AP4E1: variants seen among roughly 807,000 people sequenced by gnomAD.
AP4E1 encodes AP-4 complex subunit epsilon-1.
Under a neutral mutation model 128.2 loss-of-function variants are expected in AP4E1, and 56 were observed. The observed-to-expected ratio is 0.44, with a 90% CI of 0.35 to 0.55. AP4E1 has a LOEUF of 0.55. AP4E1 is among the 20% of genes least tolerant of loss of function. AP4E1 has a pLI of 0.00. For missense variants in AP4E1, 1,324 were observed against 1,307.7 expected (o/e 1.01, Z -0.19); for synonymous variants, 484 against 473.1 (o/e 1.02, Z -0.30).
intron 6 of AP4E1, among the ~76,000 whole-genome samples, chr15:50,930,401 T>G (rs2063819878): frequency 6.7e-6 from 1 of 149,314 alleles, no homozygotes; most frequent in African/African-American, 2.5e-5. Flanking sequence ...ATGGGAAGTC[T>G]TTTGGAAACA....
At chr15:50,941,858 G>T in intron 10 of AP4E1, 83 bp downstream of exon 10, 1 of 949,644 alleles carries the variant, frequency 1.1e-6, no homozygotes. Flanking sequence ...GATTAAAGTG[G>T]TGGGCAGTGT....
intron 8 of AP4E1, among the ~76,000 whole-genome samples, chr15:50,935,140 CATT>C (rs1243843036): frequency 1.3e-5 from 2 of 151,954 alleles, no homozygotes; most frequent in Admixed American, 6.6e-5. Context: ...GTGAATAAAA[CATT>C]ATGGGGCTTA....
chr15:50,986,327 A>G (rs972440478), intron 16 of AP4E1, among the ~76,000 whole-genome samples: 2 of 152,198 alleles, frequency 1.3e-5, no homozygotes, highest in Admixed American at 1.3e-4. Context: ...TGCCCTGGCC[A>G]GAACTTCCAA....
intron 15 of AP4E1, among the ~76,000 whole-genome samples, chr15:50,973,603 A>G (rs903563006): frequency 6.6e-6 from 1 of 152,172 alleles, no homozygotes. Context: ...TCTGGCAGCA[A>G]CCAGTCCATT....
rs1014649865 is a variant in AP4E1 at position 51,004,429 on chromosome 15, G to A, written c.*1767G>A. 1 of 152,226 alleles carries A rather than the reference G, an allele frequency of 6.6e-6. No homozygotes were observed. 9.4% of individuals were successfully genotyped at this position (152,226 alleles called of 1,614,324 possible). A position where few individuals can be genotyped will look rare whatever the true frequency, so the allele number is the denominator to read the frequency against. Reference sequence around the variant, plus strand: ...TTTGCCTAGTTACTGAGGCTAGGTCGAGTGTGAAGCAATAGGTGTAAGATG... The same window carrying A: ...TTTGCCTAGTTACTGAGGCTAGGTCAAGTGTGAAGCAATAGGTGTAAGATG... On this transcript the variant is annotated 3_prime_UTR_variant, in exon 21 of 21. Coordinates refer to ENST00000261842, the MANE Select transcript of AP4E1 (RefSeq NM_007347.5).
intron 3 of AP4E1, among the ~76,000 whole-genome samples, chr15:50,917,229 A>G (rs1387418120): frequency 6.6e-6 from 1 of 152,220 alleles, no homozygotes; most frequent in Non-Finnish European, 1.5e-5. Flanking sequence ...AACCAACTTC[A>G]TCCTTTTCGT....
chr15:50,930,725 G>A (rs2063822836), intron 6 of AP4E1, 80 bp from the exon 7 acceptor site: 2 of 1,372,292 alleles, frequency 1.5e-6, no homozygotes, highest in African/African-American at 1.4e-5. Context: ...ATTAAGTCAG[G>A]TTCTATATGA....
intron 17 of AP4E1, among the ~76,000 whole-genome samples, chr15:50,996,298 T>C (rs1337751796): frequency 6.6e-6 from 1 of 151,726 alleles, no homozygotes; most frequent in Non-Finnish European, 1.5e-5. Context: ...ATGCCTGACC[T>C]CTAATACACA....
intron 2 of AP4E1, among the ~76,000 whole-genome samples, chr15:50,914,370 G>A (rs913799408): frequency 6.6e-6 from 1 of 152,030 alleles, no homozygotes; most frequent in Admixed American, 6.6e-5. Context: ...AGTCTATGTG[G>A]ACGGGTGTGG....
intron 15 of AP4E1, among the ~76,000 whole-genome samples, chr15:50,979,908 G>A (rs2064617790): frequency 6.6e-6 from 1 of 152,148 alleles, no homozygotes; most frequent in Non-Finnish European, 1.5e-5. Context: ...AAGTGAAGCT[G>A]TTGCTATTAA....
At chr15:50,955,175 A>G (rs1159541362) in intron 13 of AP4E1, among the ~76,000 whole-genome samples, 1 of 152,204 alleles carries the variant, frequency 6.6e-6, no homozygotes, top group Non-Finnish European at 1.5e-5. Context: ...ACCGTGATTT[A>G]TAATCCTTTG....
chr15:50,908,825 T>G lies in AP4E1; in HGVS notation c.47T>G (p.Phe16Cys). 6.2e-7 allele frequency: 1 copy of G among 1,606,774 alleles called. No individual in the cohort carries two copies. Among genetic ancestry groups the G allele is most frequent in the East Asian group, 2.2e-5 (1 of 44,608 alleles). The change falls in exon 1 of 21, where the codon TTT becomes TGT. Residue 16 changes from phenylalanine to cysteine, a missense_variant. Phe to Cys is a radical substitution (Grantham distance 205). Transcript: ENST00000261842. ...EKTLTALPGL[F>C]LQNQPGGGPA... ...ACGCTGACGGCGCTGCCGGGACTCT[T>G]TCTGCAGAACCAGCCCGGTGGTGGG... is the stretch of plus-strand genomic sequence containing the variant.
chr15:50,913,315 T>C (rs754573066), intron 2 of AP4E1, among the ~76,000 whole-genome samples: 1 of 152,264 alleles, frequency 6.6e-6, no homozygotes, highest in African/African-American at 2.4e-5. Flanking sequence ...TAGTACTAGA[T>C]AGAAACGTTA....
In AP4E1 at chr15:50,950,173, A is replaced by G. The variant is rs2064129516; in HGVS notation, c.1548+4A>G. ...ATTTCTTCAAGTTATGAGTTGGGTG[A>G]GCAAAGTACCTTAAATCATAAATTT... is the stretch of plus-strand genomic sequence containing the variant. On this transcript the variant is annotated splice_donor_region_variant and intron_variant, in intron 13 of 20. Coordinates refer to ENST00000261842, the MANE Select transcript of AP4E1 (RefSeq NM_007347.5). 6.4e-7 allele frequency: 1 copy of G among 1,552,654 alleles called. No individual in the cohort carries two copies. Among genetic ancestry groups the G allele is most frequent in the Non-Finnish European group, 8.9e-7 (1 of 1,125,698 alleles).
chr15:50,957,671 C>CTTTT (rs61656848), intron 13 of AP4E1, among the ~76,000 whole-genome samples: 889 of 87,952 alleles, frequency 0.01, 37 homozygotes, highest in African/African-American at 0.012. Context: ...ACAAGCGTTT[C>CTTTT]TTTTTTTTTT....
chr15:51,000,141 C>CTTTT (rs11383470), intron 19 of AP4E1, among the ~76,000 whole-genome samples: 2 of 120,804 alleles, frequency 1.7e-5, no homozygotes, highest in Non-Finnish European at 3.3e-5. Context: ...TTTGTTCATT[C>CTTTT]TTTTTTTTTT....
intron 14 of AP4E1, 45 bp from the exon 15 acceptor site, chr15:50,968,218 G>T (rs988112717): frequency 2.4e-6 from 3 of 1,261,262 alleles, no homozygotes; most frequent in African/African-American, 1.5e-5. Context: ...AATCTACTTA[G>T]GATAAATTTA....
At chr15:50,946,107 G>A (rs2140853834) in intron 10 of AP4E1, 2 of 567,838 alleles carry the variant, frequency 3.5e-6, no homozygotes, top group African/African-American at 3.8e-5. Flanking sequence ...TTAGTTACAT[G>A]TGTAGAGCTT....
chr15:50,983,968 C>A, intron 15 of AP4E1, 54 bp from the exon 16 acceptor site: 1 of 1,578,070 alleles, frequency 6.3e-7, no homozygotes, highest in Middle Eastern at 1.8e-4. Context: ...GTAACTTTGA[C>A]AGTTTTTTGC....
Sources: gnomAD v4.1 joint callset for allele counts (sites outside exome capture counted in the v4.1 genomes callset) on GRCh38, gnomAD v4.1.1 for gene constraint, MANE v1.5 for transcripts, NCBI Gene and HGNC (gene_info 2026-07-23, HGNC 2026-07-21) for gene names.